The following KIFAP3 variants were observed in gnomAD, a reference collection of about 807,000 sequenced individuals.
KIFAP3 encodes kinesin-associated protein 3.
KIFAP3 carries 68 observed loss-of-function variants against 106.5 expected under a neutral mutation model. The ratio of observed to expected loss-of-function variants is 0.64; its 90% confidence interval spans 0.53 to 0.78. The LOEUF is 0.78. Among genes scored for constraint, KIFAP3 ranks in the 30% least tolerant of loss-of-function variants. The pLI is 0.00. For missense variants in KIFAP3, 780 were observed against 941.8 expected, an observed-to-expected ratio of 0.83 and a Z score of 2.25; for synonymous variants, 320 against 311.5, an observed-to-expected ratio of 1.03 and a Z score of -0.29.
chr1:170,044,690 G>GAGAC (rs888886771), intron 3 of KIFAP3, among the ~76,000 whole-genome samples: 27 of 152,102 alleles, frequency 1.8e-4, no homozygotes, highest in African/African-American at 6.5e-4. Context: ...ATTCAAGGAG[G>GAGAC]AGACACTCAT....
intron 1 of KIFAP3, among the ~76,000 whole-genome samples, chr1:170,062,276 A>C (rs11584929): frequency 6.7e-6 from 1 of 149,358 alleles, no homozygotes; most frequent in Non-Finnish European, 1.5e-5. Flanking sequence ...AAAACCCACC[A>C]CCCCCAAACC....
At chr1:170,038,866 C>T (rs1571712196) in intron 4 of KIFAP3, among the ~76,000 whole-genome samples, 1 of 152,064 alleles carries the variant, frequency 6.6e-6, no homozygotes, top group South Asian at 2.1e-4. Context: ...GGGCAGATCA[C>T]GAGGTCAGGA....
At chr1:169,960,059 A>G (rs1362647520) in intron 18 of KIFAP3, among the ~76,000 whole-genome samples, 3 of 152,212 alleles carry the variant, frequency 2.0e-5, no homozygotes, top group African/African-American at 7.2e-5. Context: ...TTTGCACAAT[A>G]CACAATTAAG....
At chr1:169,998,558 T>C (rs1667504419) in intron 10 of KIFAP3, among the ~76,000 whole-genome samples, 1 of 152,074 alleles carries the variant, frequency 6.6e-6, no homozygotes, top group Non-Finnish European at 1.5e-5. Context: ...GTGAGTAAAG[T>C]TTCCCCTAGA....
chr1:169,950,046 A>G (rs1428039689), intron 19 of KIFAP3, among the ~76,000 whole-genome samples: 1 of 152,174 alleles, frequency 6.6e-6, no homozygotes, highest in Non-Finnish European at 1.5e-5. Flanking sequence ...TAAGAAAAAT[A>G]CCAATTTCAA....
chr1:169,988,758 T>A (rs1401581672), intron 11 of KIFAP3, among the ~76,000 whole-genome samples: 1 of 152,030 alleles, frequency 6.6e-6, no homozygotes, highest in Non-Finnish European at 1.5e-5. Flanking sequence ...TAAAACCACG[T>A]CAACTTTTCT....
chr1:169,953,002 A>C (rs1233097806), intron 19 of KIFAP3, among the ~76,000 whole-genome samples: 1 of 152,146 alleles, frequency 6.6e-6, no homozygotes, highest in Non-Finnish European at 1.5e-5. Flanking sequence ...AGAAGAAAAA[A>C]ATTAATAATT....
chr1:170,046,725 T>G lies in KIFAP3; in HGVS notation c.306A>C (p.Ser102=), dbSNP rs1248140061. The G allele has an allele frequency of 1.3e-6, 2 of 1,553,774 alleles. No homozygotes were observed. Among genetic ancestry groups the G allele is most frequent in the South Asian group, 2.5e-5 (2 of 80,148 alleles). ...LLYYLQNRRD[S]LSGKEKKEKS... is the part of the protein sequence containing the mutation. ...TCTACTACTTACCTTTTCCTGACAA[T>G]GAATCACGGCGGTTCTGTAGATAGT... The change falls in exon 3 of 20, where the codon TCA becomes TCC. Residue 102 remains serine, a synonymous_variant. Coordinates refer to ENST00000361580, the MANE Select transcript of KIFAP3 (RefSeq NM_014970.4).
chr1:170,043,280 C>T (rs944325303), intron 3 of KIFAP3, among the ~76,000 whole-genome samples: 5 of 152,146 alleles, frequency 3.3e-5, no homozygotes, highest in Admixed American at 6.5e-5. Flanking sequence ...TGGGTTCGTA[C>T]GGTACCCACT....
intron 16 of KIFAP3, among the ~76,000 whole-genome samples, chr1:169,975,945 T>C (rs947234950): frequency 6.6e-6 from 1 of 152,180 alleles, no homozygotes; most frequent in African/African-American, 2.4e-5. Context: ...TCAAAAAGTA[T>C]TGACTCCAGA....
intron 19 of KIFAP3, among the ~76,000 whole-genome samples, chr1:169,924,537 G>C (rs1663018470): frequency 6.6e-6 from 1 of 152,024 alleles, no homozygotes; most frequent in South Asian, 2.1e-4. Flanking sequence ...ATAGGTCCTA[G>C]GTCCTTTTGT....
At chr1:169,952,424 A>G (rs1664773380) in intron 19 of KIFAP3, among the ~76,000 whole-genome samples, 2 of 121,170 alleles carry the variant, frequency 1.7e-5, no homozygotes, top group Admixed American at 9.6e-5. Flanking sequence ...TGTTTTACAC[A>G]TATATATAGG....
At chr1:169,985,493 T>A (rs1367614173) in intron 11 of KIFAP3, among the ~76,000 whole-genome samples, 1 of 151,868 alleles carries the variant, frequency 6.6e-6, no homozygotes. Context: ...ATGACATACA[T>A]GGTGCTGCCA....
At chr1:170,052,406 C>T (rs772420229) in intron 2 of KIFAP3, among the ~76,000 whole-genome samples, 1 of 152,082 alleles carries the variant, frequency 6.6e-6, no homozygotes, top group Non-Finnish European at 1.5e-5. Context: ...AGAATTCTAC[C>T]AGAGGTACAA....
chr1:170,035,367 A>T (rs12750962), intron 6 of KIFAP3, 87 bp downstream of exon 6: 186,324 of 724,518 alleles, frequency 0.26, 25,304 homozygotes, highest in Middle Eastern at 0.31. Flanking sequence ...AACTGAGAGA[A>T]CAAGTGATCT....
intron 19 of KIFAP3, 136 bp from the exon 20 acceptor site, chr1:169,921,917 T>A: frequency 2.5e-6 from 1 of 402,652 alleles, no homozygotes; most frequent in Non-Finnish European, 4.0e-6. Flanking sequence ...ATCATTAACT[T>A]TTTTTTTTAA....
At chr1:170,014,960 T>C (rs1357925374) in intron 10 of KIFAP3, among the ~76,000 whole-genome samples, 3 of 152,162 alleles carry the variant, frequency 2.0e-5, no homozygotes, top group Non-Finnish European at 2.9e-5. Context: ...ACAAAGAGTT[T>C]GCATAACTTG....
chr1:169,997,715 T>A (rs1266253106), intron 10 of KIFAP3, among the ~76,000 whole-genome samples: 1 of 151,298 alleles, frequency 6.6e-6, no homozygotes, highest in Non-Finnish European at 1.5e-5. Context: ...TACTAAAACA[T>A]AAAAATTTGC....
intron 3 of KIFAP3, among the ~76,000 whole-genome samples, chr1:170,043,281 G>T (rs144212089): frequency 6.6e-6 from 1 of 152,086 alleles, no homozygotes; most frequent in African/African-American, 2.4e-5. Flanking sequence ...GGGTTCGTAC[G>T]GTACCCACTG....
Sources: gnomAD v4.1 joint callset for allele counts (sites outside exome capture counted in the v4.1 genomes callset) on GRCh38, gnomAD v4.1.1 for gene constraint, MANE v1.5 for transcripts, NCBI Gene and HGNC (gene_info 2026-07-23, HGNC 2026-07-21) for gene names.